PPARGC1A: variants seen among roughly 807,000 people sequenced by gnomAD.
PPARGC1A encodes the protein PPARG coactivator 1 alpha.
PPARGC1A carries 25 observed loss-of-function variants against 88.7 expected under a neutral mutation model. The ratio of observed to expected loss-of-function variants is 0.28; its 90% CI spans 0.21 to 0.39. The LOEUF (loss-of-function observed/expected upper bound fraction) is 0.39, where lower values mean the gene tolerates loss of function less well. Ranked by LOEUF, PPARGC1A falls within the 10% of genes least tolerant of loss-of-function variation. The probability of loss-of-function intolerance (pLI) is 1.00; values close to 1 mark genes in which losing one functional copy is unlikely to be tolerated. For missense variants in PPARGC1A, 880 were observed against 968.7 expected (o/e 0.91, Z 1.22); for synonymous variants, 363 against 355.6 (o/e 1.02, Z -0.24).
At chr4:23,944,835 T>C in the PPARGC1A span, among the ~76,000 whole-genome samples, 2 of 152,204 alleles carry the variant, frequency 1.3e-5, no homozygotes, top group Non-Finnish European at 2.9e-5. Context: ...GTAAGTTTCC[T>C]GAGGTTTCCC....
At chr4:23,910,222 A>AATATATTATATATAATATATATAATAT in the PPARGC1A span, among the ~76,000 whole-genome samples, 1 of 87,858 alleles carries the variant, frequency 1.1e-5, no homozygotes, top group South Asian at 3.0e-4. Context: ...TATAATATAT[A>AATATATTATATATAATATATATAATAT]ATATATTATA....
At chr4:24,434,334 A>G in the PPARGC1A span, among the ~76,000 whole-genome samples, 1 of 152,276 alleles carries the variant, frequency 6.6e-6, no homozygotes. Flanking sequence ...GCTTTTCATC[A>G]TGAGCTGATG....
chr4:24,354,299 C>A, the PPARGC1A span, among the ~76,000 whole-genome samples: 1 of 152,102 alleles, frequency 6.6e-6, no homozygotes, highest in African/African-American at 2.4e-5. Flanking sequence ...TAATCTTAAT[C>A]ATATCTGCAA....
upstream of PPARGC1A, among the ~76,000 whole-genome samples, chr4:23,908,835 G>C (rs186451292): frequency 6.6e-6 from 1 of 152,280 alleles, no homozygotes; most frequent in East Asian, 1.9e-4. Flanking sequence ...TCTACACATG[G>C]GTGCATGTGT....
chr4:24,194,916 T>C, the PPARGC1A span, among the ~76,000 whole-genome samples: 1 of 152,214 alleles, frequency 6.6e-6, no homozygotes, highest in African/African-American at 2.4e-5. Flanking sequence ...TGGTTAGCTG[T>C]TGAGATCAAA....
the PPARGC1A span, among the ~76,000 whole-genome samples, chr4:24,277,910 C>A: frequency 6.6e-6 from 1 of 152,106 alleles, no homozygotes; most frequent in African/African-American, 2.4e-5. Context: ...TGTGGTGGCT[C>A]ATACCCGTAA....
chr4:24,457,541 TTG>T, the PPARGC1A span, among the ~76,000 whole-genome samples: 1 of 151,588 alleles, frequency 6.6e-6, no homozygotes, highest in Non-Finnish European at 1.5e-5. Flanking sequence ...GTTTGTTTGT[TTG>T]TTTGTTTGTT....
intron 1 of PPARGC1A, chr4:23,888,847 C>G: frequency 2.5e-6 from 2 of 805,504 alleles, no homozygotes; most frequent in Middle Eastern, 6.2e-4. Flanking sequence ...CCTACGTGCC[C>G]CCAGCTACCC....
At chr4:24,025,114 T>C in the PPARGC1A span, among the ~76,000 whole-genome samples, 1 of 152,206 alleles carries the variant, frequency 6.6e-6, no homozygotes, top group South Asian at 2.1e-4. Flanking sequence ...CCTTTCCTAA[T>C]GGTGAAAATG....
the PPARGC1A span, among the ~76,000 whole-genome samples, chr4:24,387,818 A>AAGAAAGAAAAAGAGAGAAAGAG: frequency 3.7e-5 from 3 of 81,074 alleles, no homozygotes; most frequent in African/African-American, 1.4e-4. Context: ...GAAAGAAAGA[A>AAGAAAGAAAAAGAGAGAAAGAG]AGAAAGAGAG....
the PPARGC1A span, among the ~76,000 whole-genome samples, chr4:24,306,179 GA>G: frequency 6.6e-6 from 1 of 152,164 alleles, no homozygotes; most frequent in Non-Finnish European, 1.5e-5. Flanking sequence ...GACTTACCCA[GA>G]GTCATCCAGC....
chr4:23,927,752 G>T, the PPARGC1A span, among the ~76,000 whole-genome samples: 1 of 152,146 alleles, frequency 6.6e-6, no homozygotes, highest in Non-Finnish European at 1.5e-5. Context: ...AGAAGGGATG[G>T]AATCTTGATC....
the PPARGC1A span, among the ~76,000 whole-genome samples, chr4:24,090,767 A>G: frequency 0.021 from 3,140 of 152,338 alleles, 118 homozygotes; most frequent in African/African-American, 0.067. Flanking sequence ...TGTAATGTGT[A>G]ATGTGAAGAA....
the PPARGC1A span, among the ~76,000 whole-genome samples, chr4:24,388,143 G>GA: frequency 0.63 from 92,836 of 148,182 alleles, 29,169 homozygotes; most frequent in East Asian, 0.81. Context: ...AAATCTACAA[G>GA]AAAAAAAAAA....
rs1325264533 is a variant in PPARGC1A, at chr4:23,895,283, G to A, written n.52+3984C>T. ...AAAACAAAACTGTATTTTGCAAATA[G>A]TCTCAAAAAGGTAACAATAAATATA... is the stretch of plus-strand genomic sequence containing the variant. On this transcript the variant is annotated intron_variant and non_coding_transcript_variant, in intron 1 of 3. Transcript: ENST00000507342. 2.0e-5 allele frequency among the ~76,000 whole-genome samples: 3 copies of A among 149,954 alleles called. No homozygotes were observed. The East Asian group carries it at 5.8e-4, about 29-fold the overall frequency.
At chr4:23,889,235 T>A (rs1459362756) in intron 1 of PPARGC1A, 2 of 985,264 alleles carry the variant, frequency 2.0e-6, no homozygotes, top group Non-Finnish European at 2.4e-6. Flanking sequence ...ACAGGAAGAT[T>A]TAACCATTGG....
the PPARGC1A span, among the ~76,000 whole-genome samples, chr4:24,472,168 C>G: frequency 6.6e-6 from 1 of 152,046 alleles, no homozygotes; most frequent in Non-Finnish European, 1.5e-5. The surrounding 1 kb of genome is among the most constrained non-coding windows in gnomAD (Gnocchi z 4.5). Context: ...GGGAGGAACG[C>G]GACAGAACCT....
the PPARGC1A span, among the ~76,000 whole-genome samples, chr4:24,002,565 A>C: frequency 6.6e-6 from 1 of 151,996 alleles, no homozygotes; most frequent in Admixed American, 6.6e-5. Context: ...ATCCTGGCAT[A>C]ATCCCAGCGT....
the PPARGC1A span, among the ~76,000 whole-genome samples, chr4:24,462,413 C>T: frequency 1.6e-3 from 237 of 151,970 alleles, 2 homozygotes; most frequent in African/African-American, 5.3e-3. Flanking sequence ...TTTTATTTGT[C>T]CTTGATGCTC....
Sources: allele counts gnomAD v4.1 joint callset (sites outside exome capture counted in the v4.1 genomes callset), GRCh38; gene constraint gnomAD v4.1.1; non-coding constraint Gnocchi (gnomAD v3.1); transcripts MANE v1.5; gene names NCBI Gene and HGNC (gene_info 2026-07-23, HGNC 2026-07-21).